MAP3K5: variants seen among roughly 807,000 people sequenced by gnomAD.
The protein encoded by MAP3K5 is mitogen-activated protein kinase kinase kinase 5.
A neutral mutation model predicts 158.7 loss-of-function variants in MAP3K5; 56 were observed. That is an observed-to-expected ratio of 0.35 (90% CI 0.28 to 0.44). MAP3K5 has a LOEUF of 0.44. MAP3K5 is among the 20% of genes least tolerant of loss of function. The probability of loss-of-function intolerance (pLI) is 1.00; values close to 1 mark genes in which losing one functional copy is unlikely to be tolerated. For synonymous variants in MAP3K5, 579 were observed against 601.7 expected (o/e 0.96, Z 0.55); for missense variants, 1,294 against 1,674.8 (o/e 0.77, Z 3.97).
At chr6:136,594,237 A>G (rs1775523659) in intron 21 of MAP3K5, among the ~76,000 whole-genome samples, 1 of 152,120 alleles carries the variant, frequency 6.6e-6, no homozygotes, top group South Asian at 2.1e-4. Context: ...CACGGACCAT[A>G]TTTTGGGCAG....
intron 24 of MAP3K5, among the ~76,000 whole-genome samples, chr6:136,581,035 G>T (rs1322674356): frequency 6.6e-6 from 1 of 152,020 alleles, no homozygotes; most frequent in Non-Finnish European, 1.5e-5. Context: ...TCACATTATT[G>T]TACTACCATC....
chr6:136,633,525 T>C (rs930095044), intron 14 of MAP3K5, among the ~76,000 whole-genome samples: 5 of 152,082 alleles, frequency 3.3e-5, no homozygotes, highest in African/African-American at 1.2e-4. Flanking sequence ...AAACTGACTG[T>C]TGGCAAAGTC....
chr6:136,665,013 T>A (rs1297161745), intron 8 of MAP3K5, among the ~76,000 whole-genome samples: 1 of 152,174 alleles, frequency 6.6e-6, no homozygotes. Context: ...AGGGCACATG[T>A]CTCGCCACCC....
rs1776240346 is a variant in MAP3K5 at position 136,609,520 on chromosome 6, T to TG, written c.2521+1761dup. 2.0e-5 allele frequency among the ~76,000 whole-genome samples: 3 copies of TG among 152,060 alleles called. No individual in the cohort carries two copies. Among genetic ancestry groups the TG allele is most frequent in the Admixed American group, 6.6e-5 (1 of 15,256 alleles). ...ACAAAATCTGAGTTCTGGCTAGGCG[T>TG]GGGGGTTCGCACATGTAATCCCAGC... On this transcript the variant is annotated intron_variant, in intron 18 of 29. Coordinates refer to ENST00000359015, the MANE Select transcript of MAP3K5 (RefSeq NM_005923.4). This position sits in a 1 kb window ranked among gnomAD's most constrained non-coding sequence, Gnocchi z 4.4.
intron 7 of MAP3K5, among the ~76,000 whole-genome samples, chr6:136,672,482 T>G (rs1386567459): frequency 6.6e-6 from 1 of 152,172 alleles, no homozygotes; most frequent in Non-Finnish European, 1.5e-5. Context: ...GTGGATTTCT[T>G]GACAATTGCG....
At chr6:136,755,889 C>G (rs557812184) in intron 1 of MAP3K5, among the ~76,000 whole-genome samples, 5 of 151,752 alleles carry the variant, frequency 3.3e-5, no homozygotes, top group Non-Finnish European at 7.4e-5. Flanking sequence ...GTCAGGGTGA[C>G]TAGAGAGAAA....
At chr6:136,779,923 G>A (rs574150807) in intron 1 of MAP3K5, among the ~76,000 whole-genome samples, 2 of 152,356 alleles carry the variant, frequency 1.3e-5, no homozygotes, top group East Asian at 3.9e-4. Context: ...GACCCTCTCA[G>A]GGCAAACGGC....
chr6:136,644,735 C>T (rs764180417), intron 11 of MAP3K5, among the ~76,000 whole-genome samples: 25 of 152,140 alleles, frequency 1.6e-4, no homozygotes, highest in Non-Finnish European at 2.9e-4. Context: ...ACGGTAAGTC[C>T]ATTTGCCTTG....
At chr6:136,707,091 G>C (rs1440033178) in intron 2 of MAP3K5, among the ~76,000 whole-genome samples, 1 of 152,140 alleles carries the variant, frequency 6.6e-6, no homozygotes, top group African/African-American at 2.4e-5. Flanking sequence ...GAAGATCGAG[G>C]CTGCAGTCAG....
intron 18 of MAP3K5, among the ~76,000 whole-genome samples, chr6:136,606,793 C>T (rs1266344100): frequency 6.6e-6 from 1 of 152,196 alleles, no homozygotes; most frequent in Non-Finnish European, 1.5e-5. Flanking sequence ...CAGATGACAC[C>T]TTTTAGGAAT....
At chr6:136,631,982 T>A (rs1158168286) in intron 14 of MAP3K5, among the ~76,000 whole-genome samples, 1 of 151,910 alleles carries the variant, frequency 6.6e-6, no homozygotes, top group South Asian at 2.1e-4. Context: ...AGTTGAGAAA[T>A]GATTCAAAGA....
chr6:136,747,915 A>G (rs527239617), intron 1 of MAP3K5, among the ~76,000 whole-genome samples: 1 of 152,360 alleles, frequency 6.6e-6, no homozygotes, highest in African/African-American at 2.4e-5. Context: ...AATGAAGCCA[A>G]CTTTAGCCAA....
intron 1 of MAP3K5, among the ~76,000 whole-genome samples, chr6:136,722,710 A>T (rs1781798295): frequency 2.6e-5 from 3 of 117,202 alleles, no homozygotes; most frequent in Admixed American, 2.1e-4. Context: ...GACAGTTCTC[A>T]GTTTGTTGCC....
At chr6:136,604,334 G>GAAGA (rs1209723373) in intron 19 of MAP3K5, among the ~76,000 whole-genome samples, 3 of 144,050 alleles carry the variant, frequency 2.1e-5, no homozygotes, top group African/African-American at 7.7e-5. Flanking sequence ...CAAAAAAAAA[G>GAAGA]AAGAAAGAAA....
At chr6:136,790,738 A>G (rs548297722) in intron 1 of MAP3K5, among the ~76,000 whole-genome samples, 1 of 152,210 alleles carries the variant, frequency 6.6e-6, no homozygotes, top group Non-Finnish European at 1.5e-5. Context: ...AAACTACTAA[A>G]CCAAGTTTTT....
intron 23 of MAP3K5, among the ~76,000 whole-genome samples, chr6:136,585,461 T>TG (rs1215143066): frequency 7.8e-6 from 1 of 127,792 alleles, no homozygotes; most frequent in Non-Finnish European, 1.7e-5. Flanking sequence ...ATTGCTTCCT[T>TG]TCTTTTCTTT....
chr6:136,697,235 G>A lies in MAP3K5; in HGVS notation c.959C>T (p.Ser320Phe). ...TCTTCTCACCTGGATATCTCTGTAG[G>A]AAAGTAACAGATTTATGACAATATC... ...TADIVINLLL[S>F]YRDIQDYDSI... The change falls in exon 5 of 30, where the codon TCC becomes TTC. Residue 320 changes from serine to phenylalanine, a missense_variant. Coordinates refer to ENST00000359015, the MANE Select transcript of MAP3K5 (RefSeq NM_005923.4). 1 of 1,612,786 alleles carries A rather than the reference G, an allele frequency of 6.2e-7. No homozygotes were observed.
chr6:136,687,418 A>ATG (rs1780196045), intron 7 of MAP3K5, among the ~76,000 whole-genome samples: 2 of 152,252 alleles, frequency 1.3e-5, no homozygotes, highest in African/African-American at 4.8e-5. Flanking sequence ...GCCAAAATAG[A>ATG]CAAATGGGAT....
intron 1 of MAP3K5, among the ~76,000 whole-genome samples, chr6:136,730,571 A>T (rs2114825426): frequency 1.3e-5 from 2 of 151,970 alleles, no homozygotes; most frequent in East Asian, 3.9e-4. Context: ...AACACAAAAA[A>T]ATTAGCCAGG....
Sources: allele counts gnomAD v4.1 joint callset (sites outside exome capture counted in the v4.1 genomes callset), GRCh38; gene constraint gnomAD v4.1.1; non-coding constraint Gnocchi (gnomAD v3.1); transcripts MANE v1.5; gene names NCBI Gene and HGNC (gene_info 2026-07-23, HGNC 2026-07-21).